The following GALNT17 variants were observed in gnomAD, a reference collection of about 807,000 sequenced individuals.
The protein encoded by GALNT17 is polypeptide N-acetylgalactosaminyltransferase 17, also known as UDP-GalNAc:polypeptide N-acetylgalactosaminyltransferase-like 3.
A neutral mutation model predicts 63.7 loss-of-function variants in GALNT17; 29 were observed. That is an observed-to-expected ratio of 0.46 (90% CI 0.34 to 0.62). The LOEUF (loss-of-function observed/expected upper bound fraction) is 0.62. Ranked by LOEUF, GALNT17 falls within the 20% of genes least tolerant of loss-of-function variation. GALNT17 has a pLI of 0.01. For missense variants in GALNT17, 603 were observed against 799.6 expected (o/e 0.75, Z 2.97); for synonymous variants, 305 against 318.3 (o/e 0.96, Z 0.45).
At chr7:71,284,143 A>G (rs1790828297) in intron 1 of GALNT17, 1 of 152,462 alleles carries the variant, frequency 6.6e-6, no homozygotes, top group Admixed American at 6.5e-5. Context: ...CTTTGGGTCC[A>G]CGCCGCCTTT....
intron 6 of GALNT17, among the ~76,000 whole-genome samples, chr7:71,605,735 C>A (rs1340463779): frequency 6.6e-6 from 1 of 152,092 alleles, no homozygotes; most frequent in African/African-American, 2.4e-5. Flanking sequence ...CTCCAGGGTG[C>A]AGAATGAATT....
chr7:71,485,449 C>A (rs1176345856), intron 5 of GALNT17, among the ~76,000 whole-genome samples: 1 of 152,222 alleles, frequency 6.6e-6, no homozygotes, highest in African/African-American at 2.4e-5. Flanking sequence ...CCTGTGCTTT[C>A]GATTCTATCC....
rs146856640 is a variant in GALNT17, at chr7:71,519,570, T to C, written c.963-51715T>C. Reference sequence around the variant, plus strand: ...CCTCCACCTCCCAGGTTCAAGTGATTCTTGTGCCTCACCCTCCCGAGTAGC... The same window carrying C: ...CCTCCACCTCCCAGGTTCAAGTGATCCTTGTGCCTCACCCTCCCGAGTAGC... On this transcript the variant is annotated intron_variant, in intron 5 of 10. Transcript: ENST00000333538. Among the ~76,000 whole-genome samples the C allele has an allele frequency of 4.6e-5, 7 of 152,272 alleles. No homozygotes were observed. In the East Asian group the frequency reaches 1.4e-3, roughly 29 times the overall value.
intron 1 of GALNT17, among the ~76,000 whole-genome samples, chr7:71,297,704 A>G (rs1369310259): frequency 6.6e-6 from 1 of 152,256 alleles, no homozygotes; most frequent in African/African-American, 2.4e-5. Flanking sequence ...CAACAGGTGA[A>G]TGAATAAACA....
chr7:71,267,192 C>T (rs985196906), intron 1 of GALNT17, among the ~76,000 whole-genome samples: 2 of 152,196 alleles, frequency 1.3e-5, no homozygotes, highest in African/African-American at 4.8e-5. Flanking sequence ...AGGTGCCTGT[C>T]CAAGCCAGGC....
chr7:71,308,744 G>GTTT (rs760443992), intron 1 of GALNT17, among the ~76,000 whole-genome samples: 6 of 138,780 alleles, frequency 4.3e-5, no homozygotes, highest in Non-Finnish European at 7.9e-5. Flanking sequence ...TTTCTCTTTA[G>GTTT]TTTTTTTTTT....
At chr7:71,674,935 C>T (rs1446339414) in intron 8 of GALNT17, among the ~76,000 whole-genome samples, 1 of 152,176 alleles carries the variant, frequency 6.6e-6, no homozygotes, top group African/African-American at 2.4e-5. Flanking sequence ...CCTGTATTTC[C>T]AGCACTTTGG....
At chr7:71,262,343 C>T (rs746408080) in intron 1 of GALNT17, among the ~76,000 whole-genome samples, 13 of 151,664 alleles carry the variant, frequency 8.6e-5, no homozygotes, top group South Asian at 6.3e-4. Context: ...CTCAAAGTCC[C>T]GGCCTCAAGC....
chr7:71,517,637 T>C (rs1321678181), intron 5 of GALNT17, among the ~76,000 whole-genome samples: 2 of 152,150 alleles, frequency 1.3e-5, no homozygotes, highest in East Asian at 3.9e-4. Flanking sequence ...TATATAAGAC[T>C]CCAAGAAGGA....
At chr7:71,515,155 T>C (rs893874911) in intron 5 of GALNT17, among the ~76,000 whole-genome samples, 12 of 152,174 alleles carry the variant, frequency 7.9e-5, no homozygotes, top group African/African-American at 2.9e-4. Flanking sequence ...TTTAGGTATG[T>C]CCTTATAGCA....
chr7:71,549,563 G>A (rs936296576), intron 5 of GALNT17, among the ~76,000 whole-genome samples: 7 of 152,126 alleles, frequency 4.6e-5, no homozygotes, highest in Admixed American at 1.3e-4. Context: ...GCAACAGAGC[G>A]AGACTCTTTC....
chr7:71,290,979 G>A (rs1417025887), intron 1 of GALNT17, among the ~76,000 whole-genome samples: 1 of 152,186 alleles, frequency 6.6e-6, no homozygotes, highest in Non-Finnish European at 1.5e-5. Flanking sequence ...TGGAATAGTG[G>A]ATCTAGAAGT....
At chr7:71,333,967 G>A (rs1210095763) in intron 1 of GALNT17, among the ~76,000 whole-genome samples, 1 of 152,164 alleles carries the variant, frequency 6.6e-6, no homozygotes, top group Non-Finnish European at 1.5e-5. Context: ...GTCATTTGAA[G>A]ATGTGTTACA....
intron 1 of GALNT17, among the ~76,000 whole-genome samples, chr7:71,166,884 T>A (rs1788450442): frequency 6.6e-6 from 1 of 152,020 alleles, no homozygotes. Flanking sequence ...TTTTAGTAAG[T>A]GTGTATTTAA....
intron 6 of GALNT17, among the ~76,000 whole-genome samples, chr7:71,657,881 GAT>G (rs1313647262): frequency 1.7e-3 from 40 of 22,988 alleles, no homozygotes; most frequent in Non-Finnish European, 2.3e-3. Flanking sequence ...TGGATGGATG[GAT>G]GGATGGATGG....
chr7:71,450,229 G>A (rs914854515), intron 5 of GALNT17, among the ~76,000 whole-genome samples: 3 of 150,426 alleles, frequency 2.0e-5, no homozygotes, highest in Non-Finnish European at 2.9e-5. Flanking sequence ...TCTGCCTCTC[G>A]GGCTCAAGAA....
intron 1 of GALNT17, among the ~76,000 whole-genome samples, chr7:71,203,369 A>T (rs1789211461): frequency 6.6e-6 from 1 of 152,148 alleles, no homozygotes; most frequent in Admixed American, 6.5e-5. Context: ...TTGTGTTTTC[A>T]ATTTGCATTT....
At chr7:71,215,134 G>T (rs10275842) in intron 1 of GALNT17, among the ~76,000 whole-genome samples, 1 of 151,896 alleles carries the variant, frequency 6.6e-6, no homozygotes, top group Non-Finnish European at 1.5e-5. Flanking sequence ...TCATCTTTTC[G>T]GGAATGAATG....
At chr7:71,134,063 A>G (rs1036817513) in intron 1 of GALNT17, among the ~76,000 whole-genome samples, 5 of 152,256 alleles carry the variant, frequency 3.3e-5, no homozygotes, top group African/African-American at 1.2e-4. Flanking sequence ...GTATGTTCAC[A>G]TCTGTCCAGC....
Sources: allele counts gnomAD v4.1 joint callset (sites outside exome capture counted in the v4.1 genomes callset), GRCh38; gene constraint gnomAD v4.1.1; transcripts MANE v1.5; gene names NCBI Gene and HGNC (gene_info 2026-07-23, HGNC 2026-07-21).